The following ANKRD6 variants were observed in gnomAD, a reference collection of about 807,000 sequenced individuals.
ANKRD6 encodes ankyrin repeat domain-containing protein 6.
ANKRD6 carries 56 observed loss-of-function variants against 82.3 expected under a neutral mutation model. The ratio of observed to expected loss-of-function variants is 0.68; its 90% CI spans 0.55 to 0.85. The LOEUF (loss-of-function observed/expected upper bound fraction) is 0.85, where lower values mean the gene tolerates loss of function less well. Ranked by LOEUF, ANKRD6 falls within the 40% of genes least tolerant of loss-of-function variation. The pLI is 0.00. For missense variants in ANKRD6, 852 were observed against 907.6 expected (o/e 0.94, Z 0.79); for synonymous variants, 347 against 352.1 (o/e 0.99, Z 0.16).
In ANKRD6 at chr6:89,504,407, G is replaced by GCGCTCT. The variant is rs1295150416; in HGVS notation, c.-143-62420_-143-62415dup. Among the ~76,000 whole-genome samples the GCGCTCT allele has an allele frequency of 2.9e-4, 40 of 137,530 alleles. No individual in the cohort carries two copies. In the East Asian group the frequency reaches 7.6e-3, roughly 26 times the overall value. The allele number at this position is 137,530 out of a possible 152,430, so 90.2% of individuals were successfully genotyped here. ...GACAGTCTCTCTCTCGCTCTCGCTC[G>GCGCTCT]CGCTCTCGCTCTTTTAGACAGGGTC... is the stretch of plus-strand genomic sequence containing the variant. On this transcript the variant is annotated intron_variant, in intron 1 of 15. Transcript: ENST00000339746.
intron 1 of ANKRD6, among the ~76,000 whole-genome samples, chr6:89,465,737 C>T (rs1217144824): frequency 1.3e-5 from 2 of 151,968 alleles, no homozygotes; most frequent in African/African-American, 4.8e-5. Context: ...GTAGCACATA[C>T]CTGTGGTCCC....
intron 1 of ANKRD6, among the ~76,000 whole-genome samples, chr6:89,490,836 C>T (rs1777931693): frequency 6.6e-6 from 1 of 151,998 alleles, no homozygotes; most frequent in African/African-American, 2.4e-5. Flanking sequence ...AAATGGTGGC[C>T]CCCCAAAAGA....
chr6:89,531,659 G>A (rs1249207847), intron 1 of ANKRD6, among the ~76,000 whole-genome samples: 1 of 152,168 alleles, frequency 6.6e-6, no homozygotes, highest in Non-Finnish European at 1.5e-5. Flanking sequence ...GCCCTCCTGG[G>A]GTTCACTATT....
chr6:89,505,412 G>A, intron 1 of ANKRD6, among the ~76,000 whole-genome samples: 1 of 152,244 alleles, frequency 6.6e-6, no homozygotes, highest in Non-Finnish European at 1.5e-5. Flanking sequence ...ACAGAATTGA[G>A]TGCTCACAGA....
At chr6:89,520,761 A>G (rs905178456) in intron 1 of ANKRD6, among the ~76,000 whole-genome samples, 2 of 152,278 alleles carry the variant, frequency 1.3e-5, no homozygotes, top group Admixed American at 6.5e-5. Context: ...GTTTTGTCCT[A>G]GCACAGAACA....
At chr6:89,525,820 A>AG in intron 1 of ANKRD6, among the ~76,000 whole-genome samples, 1 of 152,364 alleles carries the variant, frequency 6.6e-6, no homozygotes, top group South Asian at 2.1e-4. Context: ...GGTGAACTAT[A>AG]GGCCACAAAA....
intron 1 of ANKRD6, among the ~76,000 whole-genome samples, chr6:89,500,972 C>CT (rs35877637): frequency 0.21 from 25,465 of 121,762 alleles, 2,911 homozygotes; most frequent in Non-Finnish European, 0.27. Context: ...CCCAATTAGT[C>CT]TTTTTTTTTT....
rs772686787 is a variant in ANKRD6, at chr6:89,446,177, ACT to A, written c.-144+12805_-144+12806del. On this transcript the variant is annotated intron_variant, in intron 1 of 15. Coordinates refer to ENST00000339746, the MANE Select transcript of ANKRD6 (RefSeq NM_001242809.2). The stretch of plus-strand genomic sequence containing the variant: ...AGACCAGCCTGACCAACATGGTGAA[ACT>A]CTGTCTCTACTAAAAATACAAAATT... Among the ~76,000 whole-genome samples, 123 of 151,884 alleles carry A rather than the reference ACT, an allele frequency of 8.1e-4. 1 individual carries two copies. The highest frequency in any genetic ancestry group is 2.7e-3 in the South Asian group (13 of 4,802).
At chr6:89,437,262 C>G (rs9359852) in intron 1 of ANKRD6, among the ~76,000 whole-genome samples, 22,725 of 152,014 alleles carry the variant, frequency 0.15, 2,177 homozygotes, top group East Asian at 0.4. Context: ...TCTGACATAT[C>G]TTTCCCCCAC....
chr6:89,588,835 G>A (rs960230834), intron 2 of ANKRD6, among the ~76,000 whole-genome samples: 1 of 151,916 alleles, frequency 6.6e-6, no homozygotes, highest in African/African-American at 2.4e-5. Flanking sequence ...GTGAAACCCT[G>A]TCTCTACTAA....
chr6:89,450,668 C>T (rs1035688650), intron 1 of ANKRD6, among the ~76,000 whole-genome samples: 8 of 151,832 alleles, frequency 5.3e-5, no homozygotes, highest in African/African-American at 1.9e-4. Flanking sequence ...CAAGTCTGCA[C>T]CACTGCAGAC....
intron 1 of ANKRD6, among the ~76,000 whole-genome samples, chr6:89,549,589 T>C (rs1785543976): frequency 6.6e-6 from 1 of 152,212 alleles, no homozygotes; most frequent in African/African-American, 2.4e-5. Context: ...CAACCTCCCA[T>C]GCATTCAGGT....
chr6:89,518,795 A>G (rs1415492508), intron 1 of ANKRD6, among the ~76,000 whole-genome samples: 3 of 152,194 alleles, frequency 2.0e-5, no homozygotes, highest in Admixed American at 2.0e-4. Flanking sequence ...ATGGAGATCT[A>G]TATTGGTTTG....
chr6:89,566,104 G>A (rs1427763917), intron 1 of ANKRD6, among the ~76,000 whole-genome samples: 2 of 152,170 alleles, frequency 1.3e-5, no homozygotes, highest in Non-Finnish European at 2.9e-5. Flanking sequence ...AGGTGGTTTT[G>A]GTGCCACTTC....
chr6:89,483,913 T>G (rs1317466348), intron 1 of ANKRD6, among the ~76,000 whole-genome samples: 1 of 152,170 alleles, frequency 6.6e-6, no homozygotes, highest in Non-Finnish European at 1.5e-5. Flanking sequence ...TCTGTCTCTC[T>G]CTCTCTCTCT....
intron 1 of ANKRD6, among the ~76,000 whole-genome samples, chr6:89,472,314 G>A (rs73508325): frequency 9.1e-4 from 138 of 152,190 alleles, no homozygotes; most frequent in Middle Eastern, 3.4e-3. Flanking sequence ...CTTTTGGGGG[G>A]CACCCAATTC....
At chr6:89,435,005 G>T (rs890922031) in intron 1 of ANKRD6, among the ~76,000 whole-genome samples, 3 of 152,098 alleles carry the variant, frequency 2.0e-5, no homozygotes, top group Non-Finnish European at 2.9e-5. Flanking sequence ...TTAACTCCTT[G>T]TTTTTTCATG....
At chr6:89,485,876 A>G (rs1777307891) in intron 1 of ANKRD6, among the ~76,000 whole-genome samples, 1 of 152,230 alleles carries the variant, frequency 6.6e-6, no homozygotes, top group Non-Finnish European at 1.5e-5. Context: ...TCCTCACCAG[A>G]AATTTGCTGT....
chr6:89,591,535 G>A (rs1321221899), intron 2 of ANKRD6, among the ~76,000 whole-genome samples: 2 of 152,198 alleles, frequency 1.3e-5, no homozygotes, highest in Non-Finnish European at 2.9e-5. Context: ...TGCCTCTAAG[G>A]ATCAATTTTT....
Sources: allele counts gnomAD v4.1 joint callset (sites outside exome capture counted in the v4.1 genomes callset), GRCh38; gene constraint gnomAD v4.1.1; transcripts MANE v1.5; gene names NCBI Gene and HGNC (gene_info 2026-07-23, HGNC 2026-07-21).